The following GARNL3 variants were observed in gnomAD, a reference collection of about 807,000 sequenced individuals.
GARNL3 encodes GTPase-activating Rap/Ran-GAP domain-like protein 3.
Under a neutral mutation model 125.0 loss-of-function variants are expected in GARNL3, and 63 were observed. The ratio of observed to expected loss-of-function variants is 0.50; its 90% CI spans 0.41 to 0.62. GARNL3 has a LOEUF of 0.62. Among genes scored for constraint, GARNL3 ranks in the 20% least tolerant of loss-of-function variants. The pLI is 0.00. For synonymous variants in GARNL3, 439 were observed against 457.5 expected (o/e 0.96, Z 0.52); for missense variants, 994 against 1,244.0 (o/e 0.80, Z 3.02).
intron 4 of GARNL3, among the ~76,000 whole-genome samples, chr9:127,315,038 A>C (rs2065201304): frequency 6.6e-6 from 1 of 152,216 alleles, no homozygotes; most frequent in Non-Finnish European, 1.5e-5. Flanking sequence ...AAATCCCAGG[A>C]CTGCTGTGAA....
Position 127,384,996 on chromosome 9 carries a change from G to A in GARNL3, c.2270-31G>A, listed in dbSNP as rs1588977779. The A allele has an allele frequency of 7.0e-7, 1 of 1,430,498 alleles. No individual in the cohort carries two copies. Among genetic ancestry groups the A allele is most frequent in the Non-Finnish European group, 9.8e-7 (1 of 1,024,128 alleles). The allele number at this position is 1,430,498 out of a possible 1,614,324, so 88.6% of individuals were successfully genotyped here. On this transcript the variant is annotated intron_variant, in intron 23 of 27. Coordinates refer to ENST00000373387, the MANE Select transcript of GARNL3 (RefSeq NM_032293.5). The surrounding 1 kb of genome is among the most constrained non-coding windows in gnomAD (Gnocchi z 4.0). ...CCCCTTCGCGGCCACCAAGCCAGCA[G>A]CTGGGAGGTGACACTCCCGTTCCCT...
chr9:127,323,337 C>T (rs113212176), intron 6 of GARNL3, among the ~76,000 whole-genome samples: 2 of 152,168 alleles, frequency 1.3e-5, no homozygotes. Flanking sequence ...CAGGACTATT[C>T]GCTTCTGAAC....
chr9:127,351,431 T>C (rs1830419073), intron 17 of GARNL3, among the ~76,000 whole-genome samples: 1 of 152,208 alleles, frequency 6.6e-6, no homozygotes, highest in Non-Finnish European at 1.5e-5. Context: ...AAACTAGTTT[T>C]TTCATGTCCT....
chr9:127,370,113 A>G (rs7048256), intron 22 of GARNL3, among the ~76,000 whole-genome samples: 48,072 of 152,148 alleles, frequency 0.32, 8,254 homozygotes, highest in Middle Eastern at 0.45. Flanking sequence ...GTAAGACACT[A>G]AGATAACTGT....
At chr9:127,270,390 T>C (rs1409701482) in intron 1 of GARNL3, among the ~76,000 whole-genome samples, 1 of 152,250 alleles carries the variant, frequency 6.6e-6, no homozygotes, top group Non-Finnish European at 1.5e-5. Flanking sequence ...CCAGACCATG[T>C]ACCAAGCCCT....
chr9:127,356,867 C>T (rs192197536), intron 20 of GARNL3, among the ~76,000 whole-genome samples: 24 of 152,342 alleles, frequency 1.6e-4, no homozygotes, highest in Admixed American at 1.4e-3. Context: ...ATGTTAAGTA[C>T]ACAAATAGAT....
intron 20 of GARNL3, among the ~76,000 whole-genome samples, 182 bp downstream of exon 20, chr9:127,355,654 A>G (rs1016280809): frequency 6.6e-5 from 10 of 152,354 alleles, no homozygotes; most frequent in Middle Eastern, 3.4e-3. Flanking sequence ...CATTCATTCC[A>G]GTGAACATCT....
upstream of GARNL3, chr9:127,264,656 A>T (rs1324919433): frequency 8.5e-7 from 1 of 1,176,296 alleles, no homozygotes; most frequent in Non-Finnish European, 1.0e-6. Flanking sequence ...ATTATAAACC[A>T]CCAGTAACCT....
At chr9:127,251,886 A>G (rs1056161154) in intron 2 of GARNL3, among the ~76,000 whole-genome samples, 41 of 152,192 alleles carry the variant, frequency 2.7e-4, no homozygotes, top group Admixed American at 2.6e-3. Flanking sequence ...CCTTGTGAGG[A>G]TGCCCCCTCC....
chr9:127,309,920 C>T (rs929615829), intron 2 of GARNL3, among the ~76,000 whole-genome samples: 2 of 152,106 alleles, frequency 1.3e-5, no homozygotes, highest in African/African-American at 4.8e-5. Context: ...ATACGTGGCA[C>T]GATGGAGATA....
chr9:127,306,266 A>G (rs180772121), intron 2 of GARNL3, among the ~76,000 whole-genome samples: 87 of 152,358 alleles, frequency 5.7e-4, no homozygotes, highest in African/African-American at 2.1e-3. Flanking sequence ...AATTTATGAT[A>G]CAGTAATATA....
At chr9:127,299,835 G>T (rs2064728690) in intron 2 of GARNL3, among the ~76,000 whole-genome samples, 1 of 152,156 alleles carries the variant, frequency 6.6e-6, no homozygotes, top group Admixed American at 6.5e-5. Flanking sequence ...AAAGTGCTGG[G>T]ATTACAGGTG....
At chr9:127,355,236 A>G in intron 19 of GARNL3, 61 bp from the exon 20 acceptor site, 1 of 1,443,642 alleles carries the variant, frequency 6.9e-7, no homozygotes, top group Non-Finnish European at 9.7e-7. Flanking sequence ...CAAATTGTCA[A>G]GGTCTGGGGG....
chr9:127,377,758 A>C (rs1260577017), intron 22 of GARNL3, among the ~76,000 whole-genome samples: 3 of 149,624 alleles, frequency 2.0e-5, no homozygotes, highest in Non-Finnish European at 4.4e-5. Flanking sequence ...ATTGCACACC[A>C]GTCCAGCCTG....
At chr9:127,349,090 T>C in intron 17 of GARNL3, 55 bp downstream of exon 17, 1 of 1,226,512 alleles carries the variant, frequency 8.2e-7, no homozygotes, top group South Asian at 1.2e-5. Context: ...GTAGTACTTC[T>C]AAGATGAGTG....
At chr9:127,239,860 C>G (rs7046445) in intron 1 of GARNL3, among the ~76,000 whole-genome samples, 25,171 of 151,594 alleles carry the variant, frequency 0.17, 6,405 homozygotes, top group African/African-American at 0.55. Flanking sequence ...AGTAACGATG[C>G]CAAAAAGATA....
intron 1 of GARNL3, among the ~76,000 whole-genome samples, chr9:127,226,886 C>T (rs930771882): frequency 6.6e-6 from 1 of 152,138 alleles, no homozygotes; most frequent in Non-Finnish European, 1.5e-5. Flanking sequence ...AGAGACAAGC[C>T]GGAAGCTGGA....
intron 1 of GARNL3, among the ~76,000 whole-genome samples, chr9:127,282,554 G>T (rs140611995): frequency 1.3e-3 from 197 of 152,274 alleles, no homozygotes; most frequent in African/African-American, 4.4e-3. Flanking sequence ...AGTGAGATTT[G>T]AACCTGGTCA....
chr9:127,387,948 C>A (rs1254721953), intron 25 of GARNL3, among the ~76,000 whole-genome samples: 1 of 152,044 alleles, frequency 6.6e-6, no homozygotes, highest in Non-Finnish European at 1.5e-5. Flanking sequence ...CAGTTCAAGA[C>A]CAGCTGGGCA....
Sources: gnomAD v4.1 joint callset for allele counts (sites outside exome capture counted in the v4.1 genomes callset) on GRCh38, gnomAD v4.1.1 for gene constraint, Gnocchi (gnomAD v3.1) non-coding constraint, MANE v1.5 for transcripts, NCBI Gene and HGNC (gene_info 2026-07-23, HGNC 2026-07-21) for gene names.